Variants in TRIM71 observed in about 807,000 individuals in gnomAD.
TRIM71 encodes tripartite motif containing 71.
In TRIM71, 9 loss-of-function variants were observed where a neutral mutation model predicts 61.2. That is an observed-to-expected ratio of 0.15 (90% confidence interval 0.09 to 0.26). TRIM71 has a LOEUF of 0.26. Ranked by LOEUF, TRIM71 falls within the 10% of genes least tolerant of loss-of-function variation. The pLI is 1.00. For missense variants in TRIM71, 998 were observed against 1,238.7 expected, an observed-to-expected ratio of 0.81 and a Z score of 2.92; for synonymous variants, 645 against 553.2, an observed-to-expected ratio of 1.17 and a Z score of -2.33.
At chr3:32,835,782 A>G (rs1294478103) in intron 1 of TRIM71, among the ~76,000 whole-genome samples, 4 of 151,928 alleles carry the variant, frequency 2.6e-5, no homozygotes, top group Non-Finnish European at 2.9e-5. Flanking sequence ...TAATATATAA[A>G]CCTATTTTGT....
At chr3:32,860,901 G>A (rs1040065906) in intron 1 of TRIM71, among the ~76,000 whole-genome samples, 8 of 152,100 alleles carry the variant, frequency 5.3e-5, no homozygotes, top group African/African-American at 1.4e-4. Context: ...GGGGCTGGGC[G>A]CGGTGGCTCA....
In TRIM71 at chr3:32,891,802, C is replaced by G. The variant is rs761355679; in HGVS notation, c.2598C>G (p.Leu866=). Reference sequence around the variant, plus strand: ...TGGACTTTGGCAACAATCGAATCCTCGTCTTCTAATTGCATTTCCTAGGTT... The same window carrying G: ...TGGACTTTGGCAACAATCGAATCCTGGTCTTCTAATTGCATTTCCTAGGTT... ...VVVDFGNNRI[L]VF Residue 866 remains leucine (L), a synonymous_variant, in exon 4 of 4, where the codon CTC becomes CTG. Coordinates refer to ENST00000383763, the MANE Select transcript of TRIM71 (RefSeq NM_001039111.3). This position sits in a 1 kb window ranked among gnomAD's most constrained non-coding sequence, Gnocchi z 8.2. 2 of 1,613,796 alleles carry G rather than the reference C, an allele frequency of 1.2e-6. No individual in the cohort carries two copies. Among genetic ancestry groups the G allele is most frequent in the Non-Finnish European group, 1.7e-6 (2 of 1,179,994 alleles).
chr3:32,840,386 C>T (rs747289408), intron 1 of TRIM71, among the ~76,000 whole-genome samples: 3 of 152,072 alleles, frequency 2.0e-5, no homozygotes, highest in Admixed American at 6.6e-5. Context: ...ACAGTAAAAG[C>T]CAGTACATAA....
chr3:32,849,901 A>G (rs1055587247), intron 1 of TRIM71, among the ~76,000 whole-genome samples: 1 of 152,234 alleles, frequency 6.6e-6, no homozygotes, highest in Admixed American at 6.5e-5. Flanking sequence ...GATTGTCACA[A>G]GTTGTGCACA....
chr3:32,847,090 G>GGC (rs1384074286), intron 1 of TRIM71, among the ~76,000 whole-genome samples: 1 of 152,046 alleles, frequency 6.6e-6, no homozygotes, highest in Non-Finnish European at 1.5e-5. Flanking sequence ...GGAGTGCAGT[G>GGC]GCACCATCTC....
chr3:32,891,217 C>G lies in TRIM71; in HGVS notation c.2013C>G (p.Asp671Glu). 1 of 1,613,162 alleles carries G rather than the reference C, an allele frequency of 6.2e-7. No individual in the cohort carries two copies. The highest frequency in any genetic ancestry group is 8.5e-7 in the Non-Finnish European group (1 of 1,179,436). Residue 671 changes from aspartate to glutamate, a missense_variant, in exon 4 of 4, where the codon GAC becomes GAG. Transcript: ENST00000383763. This position sits in a 1 kb window ranked among gnomAD's most constrained non-coding sequence, Gnocchi z 8.2. The part of the protein sequence containing the change: ...CDASRRIVVA[D>E]KDNHRIQIFT... ...CCTCACGCAGGATCGTGGTGGCTGACAAGGACAATCATCGCATCCAGATCT... is the reference window on the plus strand; with the variant it reads ...CCTCACGCAGGATCGTGGTGGCTGAGAAGGACAATCATCGCATCCAGATCT...
chr3:32,865,791 G>GCAC (rs751562183), intron 1 of TRIM71, among the ~76,000 whole-genome samples: 1 of 50,334 alleles, frequency 2.0e-5, no homozygotes, highest in Non-Finnish European at 3.8e-5. Flanking sequence ...GCCGCCCGCC[G>GCAC]GCCCCCCCCC....
At chr3:32,823,815 T>C (rs926005845) in intron 1 of TRIM71, among the ~76,000 whole-genome samples, 1 of 151,342 alleles carries the variant, frequency 6.6e-6, no homozygotes, top group East Asian at 2.0e-4. Context: ...GGGTCAGGCG[T>C]GAGCCACCGC....
Position 32,893,916 on chromosome 3 carries a change from T to C in TRIM71, c.*2105T>C, listed in dbSNP as rs1467105661. ...TGCATGCAATAAAAGATTCAAAAGT[T>C]GGAAAGTAGCTTCAAACTGCTGCTG... On this transcript the variant is annotated 3_prime_UTR_variant, in exon 4 of 4. Coordinates refer to ENST00000383763, the MANE Select transcript of TRIM71 (RefSeq NM_001039111.3). 4 of 152,116 alleles carry C rather than the reference T, an allele frequency of 2.6e-5. No homozygotes were observed. The highest frequency in any genetic ancestry group is 5.9e-5 in the Non-Finnish European group (4 of 68,020). 9.4% of individuals were successfully genotyped at this position (152,116 alleles called of 1,614,324 possible). A position where few individuals can be genotyped will look rare whatever the true frequency, so the allele number is the denominator to read the frequency against.
intron 1 of TRIM71, among the ~76,000 whole-genome samples, chr3:32,848,888 CCTG>C (rs1696506963): frequency 6.6e-6 from 1 of 152,076 alleles, no homozygotes; most frequent in African/African-American, 2.4e-5. Flanking sequence ...ATTTCAGAGC[CCTG>C]CCAGACACAT....
At chr3:32,869,208 C>A (rs1696771478) in intron 1 of TRIM71, among the ~76,000 whole-genome samples, 1 of 152,154 alleles carries the variant, frequency 6.6e-6, no homozygotes, top group African/African-American at 2.4e-5. Context: ...GTGGGAAACT[C>A]AGAAACCCTC....
intron 2 of TRIM71, among the ~76,000 whole-genome samples, chr3:32,884,842 G>A (rs1696943898): frequency 6.6e-6 from 1 of 152,192 alleles, no homozygotes; most frequent in African/African-American, 2.4e-5. Context: ...ATTAATAACA[G>A]TGTTTTACTC....
Position 32,818,355 on chromosome 3 carries a change from C to T in TRIM71, c.275C>T (p.Pro92Leu). Reference protein sequence around the residue: ...AAGEPLKLRCPVCDQKVVLAE... With the variant: ...AAGEPLKLRCLVCDQKVVLAE... ...GGAGAGCCGCTCAAGCTGCGCTGCC[C>T]CGTGTGCGACCAGAAAGTAGTGCTA... Residue 92 changes from proline to leucine, a missense_variant, in exon 1 of 4, where the codon CCC becomes CTC. Physicochemically the swap from Pro to Leu is moderately conservative, Grantham distance 98 (BLOSUM62 -3). Around this residue, in one of 5 missense-constraint regions of TRIM71, gnomAD observed 527 missense variants for 427.8 expected, o/e 1.23. Transcript: ENST00000383763. 6.8e-7 allele frequency: 1 copy of T among 1,477,026 alleles called. No homozygotes were observed. Among genetic ancestry groups the T allele is most frequent in the Admixed American group, 2.3e-5 (1 of 43,698 alleles). 91.5% of individuals were successfully genotyped at this position (1,477,026 alleles called of 1,614,324 possible). A position where few individuals can be genotyped will look rare whatever the true frequency, so the allele number is the denominator to read the frequency against.
In TRIM71 at chr3:32,871,712, G is replaced by A. The variant is rs959105779; in HGVS notation, c.853-2106G>A. Among the ~76,000 whole-genome samples, 3 of 152,230 alleles carry A rather than the reference G, an allele frequency of 2.0e-5. No individual in the cohort carries two copies. In the South Asian group the frequency reaches 6.2e-4, roughly 32 times the overall value. The stretch of plus-strand genomic sequence containing the variant: ...AGGATTAGATAATCTCTGAAGGATA[G>A]ATCAGCTTTAAAAGCAACTGATTTA... On this transcript the variant is annotated intron_variant, in intron 1 of 3. Coordinates refer to ENST00000383763, the MANE Select transcript of TRIM71 (RefSeq NM_001039111.3).
rs773226700 is a variant in TRIM71 at position 32,818,866 on chromosome 3, C to G, written c.786C>G (p.Gly262=). 2.5e-6 allele frequency: 4 copies of G among 1,612,482 alleles called. No homozygotes were observed. The highest frequency in any genetic ancestry group is 2.7e-5 in the African/African-American group (2 of 75,034). The change falls in exon 1 of 4, where the codon GGC becomes GGG. Residue 262 remains glycine (G), a synonymous_variant. Transcript: ENST00000383763. ...TCGGGCTCGGGCCGCCCTTTCCCGG[C>G]CCGCCCTTCTCCATCCTCTCAGTGT... ...QQLGLGPPFP[G]PPFSILSVFP...
rs1414862774 is a variant in TRIM71 at position 32,891,423 on chromosome 3, A to G, written c.2219A>G (p.Glu740Gly). Reference sequence around the variant, plus strand: ...GTCTTCCTAAACAAGTATGGCTTCGAGGGGGCTCTCTGGAAGCACTTTGAC... The same window carrying G: ...GTCTTCCTAAACAAGTATGGCTTCGGGGGGGCTCTCTGGAAGCACTTTGAC... ...DGVFLNKYGF[E>G]GALWKHFDSP... The change falls in exon 4 of 4, where the codon GAG becomes GGG. Residue 740 changes from glutamate to glycine, a missense_variant. Glu to Gly is a moderately conservative substitution (Grantham distance 98). Around this residue, in one of 5 missense-constraint regions of TRIM71, gnomAD observed 83 missense variants for 202.7 expected, o/e 0.41. Coordinates refer to ENST00000383763, the MANE Select transcript of TRIM71 (RefSeq NM_001039111.3). The surrounding 1 kb of genome is among the most constrained non-coding windows in gnomAD (Gnocchi z 8.2). The G allele has an allele frequency of 6.8e-6, 11 of 1,613,846 alleles. No homozygotes were observed. The highest frequency in any genetic ancestry group is 8.5e-6 in the Non-Finnish European group (10 of 1,180,004).
At chr3:32,877,507 C>T (rs1696863470) in intron 2 of TRIM71, among the ~76,000 whole-genome samples, 1 of 152,072 alleles carries the variant, frequency 6.6e-6, no homozygotes, top group Admixed American at 6.5e-5. Flanking sequence ...AGGTATGCTC[C>T]ACCACACCCA....
At chr3:32,874,663 C>G (rs571102955) in intron 2 of TRIM71, among the ~76,000 whole-genome samples, 146 of 152,060 alleles carry the variant, frequency 9.6e-4, no homozygotes, top group African/African-American at 3.5e-3. Flanking sequence ...GCTGGGACTA[C>G]AGGCGCCCAC....
At chr3:32,865,817 T>TCCCCCC in intron 1 of TRIM71, among the ~76,000 whole-genome samples, 1 of 3,830 alleles carries the variant, frequency 2.6e-4, no homozygotes, top group Non-Finnish European at 5.5e-4. Flanking sequence ...CGCCCCACCT[T>TCCCCCC]TTTTTTTTTT....
Sources: gnomAD v4.1 joint callset for allele counts (sites outside exome capture counted in the v4.1 genomes callset) on GRCh38, gnomAD v4.1.1 for gene constraint, gnomAD v4.1.1 regional missense constraint, Gnocchi (gnomAD v3.1) non-coding constraint, MANE v1.5 for transcripts, NCBI Gene and HGNC (gene_info 2026-07-23, HGNC 2026-07-21) for gene names.